Variants in BIRC6 observed in about 807,000 individuals in gnomAD.
BIRC6 encodes baculoviral IAP repeat containing 6.
BIRC6 carries 98 observed loss-of-function variants against 503.3 expected under a neutral mutation model. The observed-to-expected ratio is 0.19, with a 90% CI of 0.17 to 0.23. BIRC6 has a LOEUF of 0.23. BIRC6 is among the 10% of genes least tolerant of loss of function. The pLI, the probability that BIRC6 is intolerant of heterozygous loss-of-function variation, is 1.00. For synonymous variants in BIRC6, 2,240 were observed against 2,078.7 expected (o/e 1.08, Z -2.11); for missense variants, 5,360 against 5,806.0 (o/e 0.92, Z 2.50).
At chr2:32,538,919 A>AAATGAATG (rs139245193) in intron 61 of BIRC6, among the ~76,000 whole-genome samples, 13 of 152,192 alleles carry the variant, frequency 8.5e-5, no homozygotes, top group Middle Eastern at 3.4e-3. Flanking sequence ...ATGATTGAAC[A>AAATGAATG]AATGAATGAA....
chr2:32,614,554 G>T (rs780735855), intron 73 of BIRC6, among the ~76,000 whole-genome samples: 4 of 152,140 alleles, frequency 2.6e-5, no homozygotes, highest in South Asian at 4.1e-4. Context: ...TTGGCCAGGC[G>T]CAGTGACTCA....
intron 36 of BIRC6, 46 bp from the exon 37 acceptor site, chr2:32,479,416 G>T: frequency 2.6e-6 from 4 of 1,527,550 alleles, no homozygotes; most frequent in Non-Finnish European, 3.6e-6. Context: ...ATACATTTTC[G>T]AAATCTGTAT....
intron 57 of BIRC6, chr2:32,522,416 G>T (rs1413844069): frequency 6.6e-6 from 1 of 152,060 alleles, no homozygotes; most frequent in East Asian, 1.9e-4. Flanking sequence ...ATCTTTGTAA[G>T]TAGGATCAGA....
chr2:32,559,387 T>G (rs2059000463), intron 65 of BIRC6, among the ~76,000 whole-genome samples: 1 of 152,138 alleles, frequency 6.6e-6, no homozygotes, highest in South Asian at 2.1e-4. Flanking sequence ...GTGCCTCTGT[T>G]CTTTGTCAGG....
intron 1 of BIRC6, among the ~76,000 whole-genome samples, chr2:32,362,350 C>T (rs1339232842): frequency 6.8e-6 from 1 of 147,436 alleles, no homozygotes; most frequent in Non-Finnish European, 1.5e-5. Flanking sequence ...GAGTCTCGCT[C>T]TGTCGCCCAG....
chr2:32,413,015 T>G (rs1440936623), intron 9 of BIRC6, among the ~76,000 whole-genome samples: 1 of 151,860 alleles, frequency 6.6e-6, no homozygotes, highest in Non-Finnish European at 1.5e-5. Context: ...AAAGACTTTT[T>G]TTTTTTTTTG....
intron 11 of BIRC6, 51 bp downstream of exon 11, chr2:32,429,346 AT>A: frequency 7.6e-7 from 1 of 1,315,736 alleles, no homozygotes; most frequent in Non-Finnish European, 1.0e-6. Context: ...GGTAGTATTT[AT>A]CATTTTTCTA....
intron 73 of BIRC6, among the ~76,000 whole-genome samples, chr2:32,612,732 T>A (rs1478245654): frequency 6.6e-6 from 1 of 152,202 alleles, no homozygotes; most frequent in Non-Finnish European, 1.5e-5. Context: ...TGATAATGGT[T>A]GAAGCTGTGT....
chr2:32,492,318 A>G (rs2051839465), intron 44 of BIRC6, among the ~76,000 whole-genome samples: 1 of 152,102 alleles, frequency 6.6e-6, no homozygotes, highest in Non-Finnish European at 1.5e-5. Context: ...ACCAAGATCA[A>G]ATATCTGCCT....
chr2:32,362,123 G>A (rs1053766826), intron 1 of BIRC6, among the ~76,000 whole-genome samples: 1 of 152,152 alleles, frequency 6.6e-6, no homozygotes, highest in Non-Finnish European at 1.5e-5. Flanking sequence ...CTTAGTGGCT[G>A]TGTACCATTT....
Position 32,545,950 on chromosome 2 carries a change from A to G in BIRC6, c.12810+90A>G, listed in dbSNP as rs550892966. 7.5e-6 allele frequency: 9 copies of G among 1,203,684 alleles called. No individual in the cohort carries two copies. The Middle Eastern group carries it at 6.0e-4, about 80-fold the overall frequency. The allele number at this position is 1,203,684 out of a possible 1,614,324, so 74.6% of individuals were successfully genotyped here. A position where few individuals can be genotyped will look rare whatever the true frequency, so the allele number is the denominator to read the frequency against. On this transcript the variant is annotated intron_variant, in intron 63 of 73. Coordinates refer to ENST00000421745, the MANE Select transcript of BIRC6 (RefSeq NM_016252.4). ...AAGTTTTTTTCTGAATTAATCTTTC[A>G]GAGACTTGGGTGTTCCATTTTCACA...
rs373683974 is a variant in BIRC6, at chr2:32,414,802, G to T, written c.1511G>T (p.Ser504Ile). 2.5e-6 allele frequency: 4 copies of T among 1,613,866 alleles called. No homozygotes were observed. Among genetic ancestry groups the T allele is most frequent in the Non-Finnish European group, 3.4e-6 (4 of 1,179,818 alleles). Reference protein sequence around the residue: ...HTSQKEAMEVSLDITALSILQ... With the variant: ...HTSQKEAMEVILDITALSILQ... ...TCACAGAAGGAAGCCATGGAAGTAA[G>T]CCTTGATATAACAGCACTCAGCATT... Residue 504 changes from serine to isoleucine, a missense_variant, in exon 10 of 74, where the codon AGC (serine) becomes ATC (isoleucine). Ser to Ile is a moderately radical substitution (Grantham distance 142). Around this residue, in one of 16 missense-constraint regions of BIRC6, gnomAD observed 700 missense variants for 739.3 expected, o/e 0.95. Transcript: ENST00000421745.
chr2:32,429,125 A>G (rs763221211), intron 10 of BIRC6, 21 bp from the exon 11 acceptor site: 121 of 1,559,488 alleles, frequency 7.8e-5, no homozygotes, highest in South Asian at 2.8e-4. Context: ...TCATGTATCT[A>G]TGAAATTTAC....
intron 65 of BIRC6, among the ~76,000 whole-genome samples, chr2:32,571,031 G>A (rs1469135358): frequency 5.9e-5 from 9 of 151,474 alleles, no homozygotes; most frequent in Middle Eastern, 3.4e-3. Context: ...TGCTTGTCTC[G>A]ATCTCTTGGT....
chr2:32,457,129 A>G (rs2148704832), intron 23 of BIRC6, among the ~76,000 whole-genome samples: 1 of 152,278 alleles, frequency 6.6e-6, no homozygotes, highest in East Asian at 1.9e-4. Context: ...CTTAGCTAAC[A>G]CCAGCCTTCT....
chr2:32,513,228 AT>A, intron 54 of BIRC6, 74 bp downstream of exon 54: 1 of 1,061,886 alleles, frequency 9.4e-7, no homozygotes, highest in Non-Finnish European at 1.4e-6. Context: ...AAAACAAAAT[AT>A]TTTACATGTT....
chr2:32,384,695 C>A (rs2038189154), intron 3 of BIRC6, among the ~76,000 whole-genome samples: 1 of 152,110 alleles, frequency 6.6e-6, no homozygotes, highest in Non-Finnish European at 1.5e-5. Context: ...ACAGCTGTAG[C>A]CTGGTTAGTA....
chr2:32,400,114 C>T (rs1423897783), intron 6 of BIRC6, among the ~76,000 whole-genome samples: 1 of 151,940 alleles, frequency 6.6e-6, no homozygotes, highest in African/African-American at 2.4e-5. Flanking sequence ...ATTTCTTAAA[C>T]TTGTTATGTT....
chr2:32,359,372 T>C (rs1326536500), intron 1 of BIRC6, among the ~76,000 whole-genome samples: 1 of 152,234 alleles, frequency 6.6e-6, no homozygotes, highest in Non-Finnish European at 1.5e-5. Context: ...CAGGATTTGT[T>C]GGTTGGGGAA....
Sources: gnomAD v4.1 joint callset for allele counts (sites outside exome capture counted in the v4.1 genomes callset) on GRCh38, gnomAD v4.1.1 for gene constraint, gnomAD v4.1.1 regional missense constraint, MANE v1.5 for transcripts, NCBI Gene and HGNC (gene_info 2026-07-23, HGNC 2026-07-21) for gene names.